The following EPHA3 variants were observed in gnomAD, a reference collection of about 807,000 sequenced individuals.
EPHA3 encodes the protein EPH receptor A3, also known as ephrin type-A receptor 3.
In EPHA3, 42 loss-of-function variants were observed where a neutral mutation model predicts 107.1. That is an observed-to-expected ratio of 0.39 (90% CI 0.31 to 0.51). EPHA3 has a LOEUF of 0.51. Among genes scored for constraint, EPHA3 ranks in the 20% least tolerant of loss-of-function variants. The pLI, the probability that EPHA3 is intolerant of heterozygous loss-of-function variation, is 0.78. For missense variants in EPHA3, 1,183 were observed against 1,211.2 expected, an observed-to-expected ratio of 0.98 and a Z score of 0.35; for synonymous variants, 461 against 424.8, an observed-to-expected ratio of 1.09 and a Z score of -1.05.
intron 13 of EPHA3, 29 bp downstream of exon 13, chr3:89,431,388 A>G (rs374246190): frequency 6.3e-7 from 1 of 1,582,326 alleles, no homozygotes; most frequent in Non-Finnish European, 8.6e-7. Flanking sequence ...CTCCTTTTTT[A>G]TCATTGTTTT....
chr3:89,137,281 G>A (rs992425411), intron 2 of EPHA3, among the ~76,000 whole-genome samples: 1 of 151,828 alleles, frequency 6.6e-6, no homozygotes, highest in South Asian at 2.1e-4. Flanking sequence ...ATGGAAAGGA[G>A]TTTCAACTGT....
At chr3:89,332,375 A>G (rs1303428963) in intron 3 of EPHA3, among the ~76,000 whole-genome samples, 1 of 152,234 alleles carries the variant, frequency 6.6e-6, no homozygotes, top group Non-Finnish European at 1.5e-5. Context: ...TTACTAAGCT[A>G]TCTTTGAGCC....
At chr3:89,212,816 C>G (rs1262842406) in intron 3 of EPHA3, among the ~76,000 whole-genome samples, 1 of 152,008 alleles carries the variant, frequency 6.6e-6, no homozygotes, top group African/African-American at 2.4e-5. Context: ...ATTTGTTGCT[C>G]TGTGCTTTAT....
intron 1 of EPHA3, among the ~76,000 whole-genome samples, chr3:89,116,149 C>T (rs974256326): frequency 6.6e-6 from 1 of 152,290 alleles, no homozygotes; most frequent in Admixed American, 6.5e-5. Flanking sequence ...TTTCTTCACA[C>T]GTTCTTACCT....
chr3:89,429,909 G>A (rs555834043), intron 12 of EPHA3, among the ~76,000 whole-genome samples: 110 of 151,988 alleles, frequency 7.2e-4, no homozygotes, highest in African/African-American at 2.4e-3. Context: ...GATTACAGGC[G>A]CCCACCATCA....
intron 3 of EPHA3, among the ~76,000 whole-genome samples, chr3:89,256,519 G>A (rs1705289569): frequency 1.3e-5 from 2 of 151,938 alleles, no homozygotes; most frequent in Admixed American, 6.6e-5. Context: ...AGCCGAGATC[G>A]TGCCATTGCA....
chr3:89,399,740 G>C, intron 7 of EPHA3: 2 of 1,154,616 alleles, frequency 1.7e-6, no homozygotes, highest in Non-Finnish European at 2.1e-6. Context: ...TTTTTTTTTA[G>C]CCATAAATTG....
At chr3:89,163,381 G>A (rs1034128985) in intron 2 of EPHA3, among the ~76,000 whole-genome samples, 5 of 151,788 alleles carry the variant, frequency 3.3e-5, no homozygotes, top group East Asian at 4.0e-4. Context: ...TTGAGGGGTC[G>A]GGGGAGAAGG....
intron 9 of EPHA3, among the ~76,000 whole-genome samples, chr3:89,408,915 T>C (rs1233211726): frequency 6.6e-6 from 1 of 152,054 alleles, no homozygotes; most frequent in Admixed American, 6.6e-5. Context: ...AGCATTAATT[T>C]TTTTAGTATT....
chr3:89,455,512 A>G (rs562153204), intron 15 of EPHA3, among the ~76,000 whole-genome samples: 3 of 152,232 alleles, frequency 2.0e-5, no homozygotes, highest in Non-Finnish European at 4.4e-5. Flanking sequence ...TATTTTTCAA[A>G]TGCATGAGGA....
chr3:89,460,619 T>C (rs1337506332), intron 15 of EPHA3, among the ~76,000 whole-genome samples: 41 of 148,824 alleles, frequency 2.8e-4, no homozygotes, highest in African/African-American at 1.0e-3. Flanking sequence ...AGAATTCTTT[T>C]TGAGAATAAC....
intron 3 of EPHA3, among the ~76,000 whole-genome samples, chr3:89,301,620 A>G (rs567201926): frequency 1.2e-3 from 185 of 152,174 alleles, no homozygotes; most frequent in Non-Finnish European, 2.2e-3. Context: ...TTAGTTATCT[A>G]AATCTTAAAT....
intron 3 of EPHA3, among the ~76,000 whole-genome samples, chr3:89,305,664 A>T (rs564231868): frequency 6.6e-6 from 1 of 152,226 alleles, no homozygotes; most frequent in African/African-American, 2.4e-5. Flanking sequence ...TTTCTGAACT[A>T]GTGTGTGCCA....
intron 1 of EPHA3, among the ~76,000 whole-genome samples, chr3:89,120,822 G>A (rs543354821): frequency 6.6e-6 from 1 of 152,206 alleles, no homozygotes; most frequent in Non-Finnish European, 1.5e-5. Flanking sequence ...TTGCCCAGGA[G>A]AAAAAGCTAA....
chr3:89,219,690 T>TGTTTTTTTTTTTG (rs1559606275), intron 3 of EPHA3, among the ~76,000 whole-genome samples: 1 of 14,686 alleles, frequency 6.8e-5, no homozygotes, highest in African/African-American at 2.9e-4. Flanking sequence ...TTGGCAATGT[T>TGTTTTTTTTTTTG]TTTTTTTTTT....
intron 3 of EPHA3, among the ~76,000 whole-genome samples, chr3:89,340,157 C>T (rs1488155072): frequency 1.3e-5 from 2 of 152,020 alleles, no homozygotes; most frequent in Non-Finnish European, 2.9e-5. Flanking sequence ...TGTTCGATAA[C>T]CAGTTCAATA....
chr3:89,199,726 A>G (rs1261193989), intron 2 of EPHA3, among the ~76,000 whole-genome samples: 1 of 151,734 alleles, frequency 6.6e-6, no homozygotes, highest in Non-Finnish European at 1.5e-5. Context: ...GTTTCTAGAA[A>G]TGTATACCTT....
At chr3:89,350,823 T>G (rs4280653) in intron 5 of EPHA3, among the ~76,000 whole-genome samples, 3,956 of 151,282 alleles carry the variant, frequency 0.026, 200 homozygotes, top group African/African-American at 0.09. Context: ...GTTTGTTAGT[T>G]TTCCTTCTAA....
intron 7 of EPHA3, among the ~76,000 whole-genome samples, chr3:89,406,674 G>T (rs1023433278): frequency 6.6e-6 from 1 of 152,052 alleles, no homozygotes; most frequent in African/African-American, 2.4e-5. Flanking sequence ...TTCTAAGCTC[G>T]TGAGCTGTAC....
Sources: gnomAD v4.1 joint callset for allele counts (sites outside exome capture counted in the v4.1 genomes callset) on GRCh38, gnomAD v4.1.1 for gene constraint, MANE v1.5 for transcripts, NCBI Gene and HGNC (gene_info 2026-07-23, HGNC 2026-07-21) for gene names.